CPNE8: variants seen among roughly 807,000 people sequenced by gnomAD.
CPNE8 encodes copine 8.
Under a neutral mutation model 81.5 loss-of-function variants are expected in CPNE8, and 45 were observed. That is an observed-to-expected ratio of 0.55 (90% CI 0.44 to 0.71). The LOEUF is 0.71. Among genes scored for constraint, CPNE8 ranks in the 30% least tolerant of loss-of-function variants. The pLI is 0.00. For missense variants in CPNE8, 594 were observed against 672.1 expected (o/e 0.88, Z 1.28); for synonymous variants, 252 against 226.3 (o/e 1.11, Z -1.02).
chr12:38,744,396 C>CA (rs1457449838), intron 10 of CPNE8, among the ~76,000 whole-genome samples: 1 of 152,190 alleles, frequency 6.6e-6, no homozygotes, highest in African/African-American at 2.4e-5. Flanking sequence ...TTCACCCATT[C>CA]AAAATCTAAG....
chr12:38,732,034 G>A (rs1386270461), intron 10 of CPNE8, among the ~76,000 whole-genome samples: 1 of 151,610 alleles, frequency 6.6e-6, no homozygotes, highest in African/African-American at 2.4e-5. Context: ...CAAACACAAC[G>A]CTTTGATATC....
intron 14 of CPNE8, among the ~76,000 whole-genome samples, chr12:38,700,097 T>A (rs1040190212): frequency 2.0e-5 from 3 of 152,164 alleles, no homozygotes; most frequent in African/African-American, 7.2e-5. Flanking sequence ...ACCTCCAGTA[T>A]AATGTTCAAT....
intron 13 of CPNE8, 92 bp from the exon 14 acceptor site, chr12:38,703,013 G>T: frequency 1.1e-6 from 1 of 880,696 alleles, no homozygotes; most frequent in South Asian, 1.9e-5. Context: ...TAATGTCACT[G>T]ATTTTCTCAA....
chr12:38,665,037 A>C (rs767630317), intron 19 of CPNE8, among the ~76,000 whole-genome samples: 5 of 152,234 alleles, frequency 3.3e-5, no homozygotes, highest in Non-Finnish European at 5.9e-5. Context: ...GTGTTACTTT[A>C]TAAATGAGAA....
At chr12:38,735,896 T>C (rs1296296627) in intron 10 of CPNE8, among the ~76,000 whole-genome samples, 1 of 151,744 alleles carries the variant, frequency 6.6e-6, no homozygotes, top group Non-Finnish European at 1.5e-5. Flanking sequence ...TAAATTATTA[T>C]ATATAAGATA....
intron 6 of CPNE8, among the ~76,000 whole-genome samples, chr12:38,829,171 T>C (rs545573208): frequency 6.6e-6 from 1 of 152,334 alleles, no homozygotes; most frequent in East Asian, 1.9e-4. Context: ...GCTCATTTCA[T>C]CTTGTGAAAA....
intron 1 of CPNE8, among the ~76,000 whole-genome samples, chr12:38,879,780 A>G (rs1202909611): frequency 2.0e-5 from 3 of 152,142 alleles, no homozygotes; most frequent in East Asian, 1.9e-4. Context: ...CAATTTTGCT[A>G]TTTGTGATCT....
intron 15 of CPNE8, among the ~76,000 whole-genome samples, chr12:38,689,610 C>A (rs756423378): frequency 6.7e-6 from 1 of 149,778 alleles, no homozygotes; most frequent in Non-Finnish European, 1.5e-5. Flanking sequence ...ATTACTGGTG[C>A]CTACTTGGCA....
At chr12:38,782,721 C>A (rs892457620) in intron 6 of CPNE8, among the ~76,000 whole-genome samples, 1 of 151,782 alleles carries the variant, frequency 6.6e-6, no homozygotes, top group Non-Finnish European at 1.5e-5. Context: ...CACTTTGTCA[C>A]CCAGTTTGGA....
At chr12:38,728,870 A>C (rs1470512624) in intron 11 of CPNE8, among the ~76,000 whole-genome samples, 1 of 152,120 alleles carries the variant, frequency 6.6e-6, no homozygotes, top group Non-Finnish European at 1.5e-5. Flanking sequence ...CTTCAGACTG[A>C]TCTCTTCTTT....
chr12:38,760,950 A>G (rs1941560282), intron 9 of CPNE8, 62 bp from the exon 10 acceptor site: 3 of 1,214,316 alleles, frequency 2.5e-6, no homozygotes, highest in African/African-American at 1.6e-5. Flanking sequence ...TGTATGGTTG[A>G]GAATTTAAAA....
intron 19 of CPNE8, among the ~76,000 whole-genome samples, chr12:38,663,433 T>C (rs139964373): frequency 6.6e-6 from 1 of 152,110 alleles, no homozygotes; most frequent in Non-Finnish European, 1.5e-5. Context: ...ATCAGAGAAA[T>C]GCAAATCAAA....
chr12:38,816,647 T>C (rs937175716), intron 6 of CPNE8, among the ~76,000 whole-genome samples: 3 of 152,188 alleles, frequency 2.0e-5, no homozygotes, highest in Admixed American at 1.3e-4. Flanking sequence ...AAACTAACAA[T>C]TCACAGTTAG....
intron 3 of CPNE8, among the ~76,000 whole-genome samples, chr12:38,855,739 TA>T (rs1238217257): frequency 6.6e-6 from 1 of 152,076 alleles, no homozygotes. Context: ...ACCACAAAAA[TA>T]ATAATAAGTA....
At chr12:38,781,907 G>A (rs1317853763) in intron 6 of CPNE8, among the ~76,000 whole-genome samples, 2 of 151,926 alleles carry the variant, frequency 1.3e-5, no homozygotes, top group African/African-American at 2.4e-5. Context: ...AAACTATCAA[G>A]GTCATACAAA....
intron 1 of CPNE8, among the ~76,000 whole-genome samples, chr12:38,904,337 C>T (rs915358987): frequency 6.6e-6 from 1 of 152,178 alleles, no homozygotes; most frequent in Non-Finnish European, 1.5e-5. Flanking sequence ...AGCACCATCG[C>T]TCATCTCCTT....
At chr12:38,799,316 T>C (rs930906652) in intron 6 of CPNE8, among the ~76,000 whole-genome samples, 1 of 151,948 alleles carries the variant, frequency 6.6e-6, no homozygotes, top group African/African-American at 2.4e-5. Context: ...CCTCAGCAAA[T>C]GTAACACAAC....
chr12:38,696,785 C>T (rs537808382), intron 14 of CPNE8, among the ~76,000 whole-genome samples: 61 of 152,262 alleles, frequency 4.0e-4, no homozygotes, highest in Non-Finnish European at 7.1e-4. Context: ...TGGCTCATGC[C>T]TGTAATCCCA....
intron 13 of CPNE8, among the ~76,000 whole-genome samples, chr12:38,708,350 GAAAA>G (rs919856143): frequency 2.8e-5 from 4 of 140,938 alleles, no homozygotes; most frequent in South Asian, 4.7e-4. Flanking sequence ...AATGTTAGAG[GAAAA>G]AAAAAATCAA....
Sources: gnomAD v4.1 joint callset for allele counts (sites outside exome capture counted in the v4.1 genomes callset) on GRCh38, gnomAD v4.1.1 for gene constraint, MANE v1.5 for transcripts, NCBI Gene and HGNC (gene_info 2026-07-23, HGNC 2026-07-21) for gene names.